NDRG4: variants seen among roughly 807,000 people sequenced by gnomAD.
NDRG4 encodes protein NDRG4.
NDRG4 carries 38 observed loss-of-function variants against 55.8 expected under a neutral mutation model. The observed-to-expected ratio is 0.68, with a 90% confidence interval of 0.53 to 0.89. The LOEUF (loss-of-function observed/expected upper bound fraction) is 0.89. Ranked by LOEUF, NDRG4 falls within the 40% of genes least tolerant of loss-of-function variation. NDRG4 has a pLI of 0.00. For missense variants in NDRG4, 455 were observed against 468.6 expected (o/e 0.97, Z 0.27); for synonymous variants, 190 against 182.7 (o/e 1.04, Z -0.32).
At position 58,469,614 on chromosome 16, in the gene NDRG4, G is replaced by A. The variant is rs180791970; in HGVS notation, c.-24+5817G>A. Among the ~76,000 whole-genome samples, 22 of 152,286 alleles carry A rather than the reference G, an allele frequency of 1.4e-4. 1 individual carries two copies. Among genetic ancestry groups the A allele is most frequent in the Admixed American group, 7.8e-4 (12 of 15,302 alleles). ...AAAAAACTGGAAACAACCTAAATGC[G>A]TAACAGTAGAGCAGCAGTGCATTCA... On this transcript the variant is annotated intron_variant, in intron 1 of 15. Coordinates refer to the NDRG4 transcript ENST00000258187.
At chr16:58,511,334 TG>T in intron 14 of NDRG4, 87 bp from the exon 15 acceptor site, 1 of 1,435,328 alleles carries the variant, frequency 7.0e-7, no homozygotes, top group Non-Finnish European at 9.4e-7. Flanking sequence ...AACGGTTCGC[TG>T]GCCGCTTTGC....
chr16:58,511,505 C>G lies in NDRG4; in HGVS notation c.988C>G (p.Gln330Glu), dbSNP rs1387007224. ...CAGCTCGGTGGATGGCAGCCGCCCA[C>G]AGGCCTGCACCCACTCAGAGAGCAG... is the stretch of plus-strand genomic sequence containing the variant. ...SASSVDGSRPQACTHSESSEG... is the reference protein window; with the variant it reads ...SASSVDGSRPEACTHSESSEG... The change falls in exon 15 of 15, where the codon CAG becomes GAG. Residue 330 changes from glutamine (Q) to glutamate (E), a missense_variant. Physicochemically the swap from Gln to Glu is conservative, Grantham distance 29. Coordinates refer to ENST00000570248, the MANE Select transcript of NDRG4 (RefSeq NM_001242835.2). 13 of 1,613,000 alleles carry G rather than the reference C, an allele frequency of 8.1e-6. No homozygotes were observed. Among genetic ancestry groups the G allele is most frequent in the Non-Finnish European group, 9.3e-6 (11 of 1,179,976 alleles).
intron 1 of NDRG4, among the ~76,000 whole-genome samples, chr16:58,487,564 T>A (rs1030963697): frequency 3.3e-5 from 5 of 152,090 alleles, no homozygotes; most frequent in Non-Finnish European, 7.4e-5. Flanking sequence ...TATAATGGTA[T>A]CCCCCAAGCC....
rs1387007224 is a variant in NDRG4 at position 58,511,505 on chromosome 16, C to T, written c.988C>T (p.Gln330Ter). 92 of 1,612,882 alleles carry T rather than the reference C, an allele frequency of 5.7e-5. No homozygotes were observed. The highest frequency in any genetic ancestry group is 7.5e-5 in the Non-Finnish European group (88 of 1,179,984). The change falls in exon 15 of 15, where the codon CAG becomes TAG. Residue 330 changes from glutamine to a stop codon, truncating the protein, a stop_gained. Coordinates refer to ENST00000570248, the MANE Select transcript of NDRG4 (RefSeq NM_001242835.2). LOFTEE classifies it high-confidence loss of function. ...SASSVDGSRPQACTHSESSEG... is the reference protein window; with the variant it reads ...SASSVDGSRP ...CAGCTCGGTGGATGGCAGCCGCCCA[C>T]AGGCCTGCACCCACTCAGAGAGCAG...
chr16:58,508,827 C>A, intron 10 of NDRG4, 135 bp from the exon 11 acceptor site: 1 of 894,600 alleles, frequency 1.1e-6, no homozygotes, highest in South Asian at 1.6e-5. Flanking sequence ...GGAGGAGCAG[C>A]CTGTCACAGC....
rs77212902 is a variant in NDRG4 at position 58,482,252 on chromosome 16, G to A, written c.-23-5504G>A. On this transcript the variant is annotated intron_variant, in intron 1 of 15. Transcript: ENST00000258187. Reference sequence around the variant, plus strand: ...AGGAGTGTGGCATACTCAAGGCAGTGTGGACCGGACCTTGACCCTGACCTG... The same window carrying A: ...AGGAGTGTGGCATACTCAAGGCAGTATGGACCGGACCTTGACCCTGACCTG... 5.8e-3 allele frequency among the ~76,000 whole-genome samples: 884 copies of A among 152,274 alleles called. 6 individuals carry two copies. Among genetic ancestry groups the A allele is most frequent in the African/African-American group, 0.02 (830 of 41,536 alleles).
chr16:58,495,003 T>G (rs754868017), exon 3 of NDRG4: 2 of 1,613,338 alleles, frequency 1.2e-6, no homozygotes, highest in South Asian at 2.2e-5. Context: ...AGACACAGAC[T>G]GGAAGGTAGG....
chr16:58,487,876 T>C (rs1196646711), intron 2 of NDRG4: 1 of 1,487,720 alleles, frequency 6.7e-7, no homozygotes, highest in Non-Finnish European at 9.0e-7. Flanking sequence ...GCCTTTGAGG[T>C]CTTAGGGCCG....
In NDRG4 at chr16:58,464,547, C is replaced by A; in HGVS notation, c.-24+750C>A. ...CGGGCGCGGCGGCCGGGGACTGGGGCGGCTCGGGTCTGAGCAGGAAGGGGT... is the reference window on the plus strand; with the variant it reads ...CGGGCGCGGCGGCCGGGGACTGGGGAGGCTCGGGTCTGAGCAGGAAGGGGT... On this transcript the variant is annotated intron_variant, in intron 1 of 15. Transcript: ENST00000258187. The surrounding 1 kb of genome is among the most constrained non-coding windows in gnomAD (Gnocchi z 4.8). 2 of 1,227,428 alleles carry A rather than the reference C, an allele frequency of 1.6e-6. No individual in the cohort carries two copies. The highest frequency in any genetic ancestry group is 2.1e-6 in the Non-Finnish European group (2 of 962,038). 76.0% of individuals were successfully genotyped at this position (1,227,428 alleles called of 1,614,324 possible). A position where few individuals can be genotyped will look rare whatever the true frequency, so the allele number is the denominator to read the frequency against.
chr16:58,512,166 G>T lies in NDRG4; in HGVS notation c.*590G>T, dbSNP rs2038885395. 2.2e-6 allele frequency: 1 copy of T among 452,664 alleles called. No homozygotes were observed. Among genetic ancestry groups the T allele is most frequent in the African/African-American group, 2.0e-5 (1 of 50,016 alleles). The allele number at this position is 452,664 out of a possible 1,614,324, so 28.0% of individuals were successfully genotyped here. ...GGCCACGCAGGCAGGGGCGTCAAGG[G>T]GTTTCTCTGCCCAAGGAAGACAGAA... On this transcript the variant is annotated 3_prime_UTR_variant, in exon 15 of 15. Transcript: ENST00000570248.
rs976673210 is a variant in NDRG4, at chr16:58,464,529, G to A, written c.-24+732G>A. The A allele has an allele frequency of 3.9e-6, 5 of 1,278,100 alleles. No homozygotes were observed. The highest frequency in any genetic ancestry group is 2.4e-5 in the South Asian group (1 of 41,456). 79.2% of individuals were successfully genotyped at this position (1,278,100 alleles called of 1,614,324 possible). On this transcript the variant is annotated intron_variant, in intron 1 of 15. Coordinates refer to the NDRG4 transcript ENST00000258187. This position sits in a 1 kb window ranked among gnomAD's most constrained non-coding sequence, Gnocchi z 4.8. ...CCGAGTTGGAGCGGACTCCGGGCGC[G>A]GCGGCCGGGGACTGGGGCGGCTCGG... is the stretch of plus-strand genomic sequence containing the variant.
intron 14 of NDRG4, 129 bp from the exon 15 acceptor site, chr16:58,511,293 G>C: frequency 9.2e-7 from 1 of 1,087,730 alleles, no homozygotes; most frequent in Non-Finnish European, 1.3e-6. Context: ...CCAGCCTCCT[G>C]ACTCAGGAGG....
rs56908844 is a variant in NDRG4 at position 58,506,156 on chromosome 16, GTC to G, written c.373-229_373-228del. 0.15 allele frequency: 62,129 copies of G among 424,926 alleles called. 2,622 individuals are homozygous for G. Among genetic ancestry groups the G allele is most frequent in the East Asian group, 0.24 (1,522 of 6,320 alleles). 26.3% of individuals were successfully genotyped at this position (424,926 alleles called of 1,614,324 possible). On this transcript the variant is annotated intron_variant, in intron 5 of 14. Transcript: ENST00000570248. ...AGCGTGTGTGTGTGTGTGTGTGTGT[GTC>G]TGTGTGTGTGTAGGGGTGGAAACAA...
chr16:58,507,671 C>G, intron 8 of NDRG4, 137 bp from the exon 9 acceptor site: 2 of 823,630 alleles, frequency 2.4e-6, no homozygotes, highest in East Asian at 5.4e-5. Context: ...AAAGCCGTGA[C>G]AGGGAGCCTC....
In NDRG4 at chr16:58,464,986, C is replaced by T; in HGVS notation, c.-24+1189C>T. ...GGGGACCCTCAGCCTTGGGGCTCCT[C>T]TGGAGAAGTGATCAGTTGCCCTGCT... On this transcript the variant is annotated intron_variant, in intron 1 of 15. Coordinates refer to the NDRG4 transcript ENST00000258187. The surrounding 1 kb of genome is among the most constrained non-coding windows in gnomAD (Gnocchi z 4.8). 8.2e-7 allele frequency: 1 copy of T among 1,223,076 alleles called. No homozygotes were observed. Among genetic ancestry groups the T allele is most frequent in the African/African-American group, 1.6e-5 (1 of 64,176 alleles). The allele number at this position is 1,223,076 out of a possible 1,614,324, so 75.8% of individuals were successfully genotyped here. A position where few individuals can be genotyped will look rare whatever the true frequency, so the allele number is the denominator to read the frequency against.
chr16:58,502,255 C>T, intron 1 of NDRG4: 1 of 338,124 alleles, frequency 3.0e-6, no homozygotes, highest in Non-Finnish European at 6.0e-6. Context: ...GGGAAGTGTT[C>T]CTGGATTTGA....
At position 58,467,484 on chromosome 16, in the gene NDRG4, G is replaced by A. The variant is rs1028948016; in HGVS notation, c.-24+3687G>A. On this transcript the variant is annotated intron_variant, in intron 1 of 15. Transcript: ENST00000258187. Reference sequence around the variant, plus strand: ...ATTGCACCACTGCAGTCCAGCCTACGCAACAGAGCAAGACTCTGTCTCAAA... The same window carrying A: ...ATTGCACCACTGCAGTCCAGCCTACACAACAGAGCAAGACTCTGTCTCAAA... Among the ~76,000 whole-genome samples, 7 of 152,148 alleles carry A rather than the reference G, an allele frequency of 4.6e-5. No homozygotes were observed. In the South Asian group the frequency reaches 1.5e-3, roughly 32 times the overall value.
At chr16:58,500,461 C>G in intron 1 of NDRG4, 192 bp downstream of exon 1, 1 of 680,080 alleles carries the variant, frequency 1.5e-6, no homozygotes, top group South Asian at 2.1e-5. Context: ...GCAGGAGTGG[C>G]TGGGGGCAGC....
At chr16:58,515,100 C>T (rs1291709015), downstream of NDRG4, among the ~76,000 whole-genome samples, 2 of 152,208 alleles carry the variant, frequency 1.3e-5, no homozygotes, top group African/African-American at 4.8e-5. Flanking sequence ...ACGAATACCA[C>T]CAGTAAAAGG....
Sources: allele counts gnomAD v4.1 joint callset (sites outside exome capture counted in the v4.1 genomes callset), GRCh38; gene constraint gnomAD v4.1.1; non-coding constraint Gnocchi (gnomAD v3.1); transcripts MANE v1.5; gene names NCBI Gene and HGNC (gene_info 2026-07-23, HGNC 2026-07-21).